MYH13: variants seen among roughly 807,000 people sequenced by gnomAD.
MYH13 encodes myosin heavy chain 13.
In MYH13, 177 loss-of-function variants were observed where a neutral mutation model predicts 232.1. That is an observed-to-expected ratio of 0.76 (90% CI 0.67 to 0.86). MYH13 has a LOEUF of 0.86. Among genes scored for constraint, MYH13 ranks in the 40% least tolerant of loss-of-function variants. The probability of loss-of-function intolerance (pLI) is 0.00; values close to 1 mark genes in which losing one functional copy is unlikely to be tolerated. For missense variants in MYH13, 2,246 were observed against 2,405.9 expected, an observed-to-expected ratio of 0.93 and a Z score of 1.39; for synonymous variants, 884 against 923.5, an observed-to-expected ratio of 0.96 and a Z score of 0.78.
chr17:10,335,970 C>T (rs1397849958), intron 18 of MYH13, among the ~76,000 whole-genome samples: 2 of 152,172 alleles, frequency 1.3e-5, no homozygotes, highest in Admixed American at 1.3e-4. Flanking sequence ...CCAGAGATGC[C>T]ACCATGCTTG....
chr17:10,321,983 G>A (rs891909303), intron 23 of MYH13, among the ~76,000 whole-genome samples: 1 of 152,164 alleles, frequency 6.6e-6, no homozygotes, highest in Non-Finnish European at 1.5e-5. Context: ...TACCTCTGAA[G>A]GGTAAAACAT....
Position 10,347,862 on chromosome 17 carries a change from C to T in MYH13, c.1145-1064G>A, listed in dbSNP as rs192517031. The stretch of plus-strand genomic sequence containing the variant: ...CCTCCCGAGTAGCTGGGATTACAGG[C>T]ACCCACCACCAGGCCCGGCTAATTT... On this transcript the variant is annotated intron_variant, in intron 12 of 40. Coordinates refer to ENST00000252172, the MANE Select transcript of MYH13 (RefSeq NM_003802.3). 1.1e-3 allele frequency among the ~76,000 whole-genome samples: 166 copies of T among 151,970 alleles called. 1 individual carries two copies. The highest frequency in any genetic ancestry group is 1.0e-2 in the Admixed American group (152 of 15,252).
intron 12 of MYH13, among the ~76,000 whole-genome samples, chr17:10,347,560 C>G (rs2071675243): frequency 6.6e-6 from 1 of 152,022 alleles, no homozygotes; most frequent in African/African-American, 2.4e-5. Context: ...TGGAGATGGT[C>G]AAAAGCACTT....
Position 10,318,969 on chromosome 17 carries a change from G to A in MYH13, c.3559C>T (p.Leu1187=). ...GTGGCTGCTGTGGCTTCGTGCTGCA[G>A]GGTGGCCTCCTCCAGGTCCCTGCGC... is the stretch of plus-strand genomic sequence containing the variant. ...KMRRDLEEAT[L]QHEATAATLR... Residue 1187 remains leucine, a synonymous_variant, in exon 27 of 41, where the codon CTG becomes TTG. Transcript: ENST00000252172. The A allele has an allele frequency of 6.2e-7, 1 of 1,614,126 alleles. No homozygotes were observed. The highest frequency in any genetic ancestry group is 8.5e-7 in the Non-Finnish European group (1 of 1,180,034).
intron 1 of MYH13, among the ~76,000 whole-genome samples, chr17:10,372,345 G>A (rs1201381080): frequency 1.3e-5 from 2 of 152,118 alleles, no homozygotes; most frequent in African/African-American, 2.4e-5. Flanking sequence ...TCAGCCCTAT[G>A]AGTCTATAAC....
rs186262302 is a variant in MYH13 at position 10,322,167 on chromosome 17, C to T, written c.2935-459G>A. ...CAGCACTTTGGGAGGCCGAGGCGGA[C>T]GGATCATGAGGTCAGGAGATCGAGA... On this transcript the variant is annotated intron_variant, in intron 23 of 40. Transcript: ENST00000252172. Among the ~76,000 whole-genome samples, 193 of 151,914 alleles carry T rather than the reference C, an allele frequency of 1.3e-3. 1 individual carries two copies. In the Middle Eastern group the frequency reaches 0.014, roughly 11 times the overall value.
intron 32 of MYH13, among the ~76,000 whole-genome samples, chr17:10,311,457 A>G (rs1332931261): frequency 6.6e-6 from 1 of 152,256 alleles, no homozygotes; most frequent in Non-Finnish European, 1.5e-5. Flanking sequence ...CAAAAGTACC[A>G]TATACAAAAC....
chr17:10,342,724 C>T (rs567145558), intron 16 of MYH13, among the ~76,000 whole-genome samples: 1 of 152,262 alleles, frequency 6.6e-6, no homozygotes, highest in Non-Finnish European at 1.5e-5. Flanking sequence ...ATTCCATTCA[C>T]ATGAAATGCC....
intron 24 of MYH13, 86 bp downstream of exon 24, chr17:10,321,446 T>A: frequency 7.4e-7 from 1 of 1,352,170 alleles, no homozygotes; most frequent in Non-Finnish European, 1.0e-6. Flanking sequence ...GTCTGACCTC[T>A]CAAGCCCTGT....
chr17:10,302,468 A>G (rs1413333202), intron 39 of MYH13, among the ~76,000 whole-genome samples: 2 of 152,154 alleles, frequency 1.3e-5, no homozygotes, highest in Non-Finnish European at 2.9e-5. Flanking sequence ...TGACATATCA[A>G]ACTCTACAAC....
chr17:10,319,508 C>CAAAA (rs757587723), intron 26 of MYH13, among the ~76,000 whole-genome samples: 80 of 61,544 alleles, frequency 1.3e-3, no homozygotes, highest in South Asian at 3.9e-3. Flanking sequence ...GACTCGGTCT[C>CAAAA]AAAAAAAAAA....
intron 18 of MYH13, among the ~76,000 whole-genome samples, chr17:10,333,536 G>A (rs774540903): frequency 6.6e-6 from 1 of 152,210 alleles, no homozygotes; most frequent in Non-Finnish European, 1.5e-5. Context: ...GATAACCCGA[G>A]ATGTCTTCTT....
Position 10,309,797 on chromosome 17 carries a change from G to A in MYH13, c.4690C>T (p.Arg1564Cys), listed in dbSNP as rs146716231. ...ACCTGGCTCAGCTCTAGCTGCACGC[G>A]CAAGATCTTGCTCTCCTCGTGTTCC... Reference protein sequence around the residue: ...SLEHEESKILRVQLELSQVKS... With the variant: ...SLEHEESKILCVQLELSQVKS... The change falls in exon 34 of 41, where the codon CGC becomes TGC. Residue 1564 changes from arginine (R) to cysteine (C), a missense_variant. Arg to Cys is a radical substitution (Grantham distance 180). Transcript: ENST00000252172. The A allele has an allele frequency of 3.1e-6, 5 of 1,592,966 alleles. No individual in the cohort carries two copies. The highest frequency in any genetic ancestry group is 3.5e-5 in the Admixed American group (2 of 57,086).
At chr17:10,355,033 G>T in intron 9 of MYH13, 40 bp from the exon 10 acceptor site, 1 of 1,610,522 alleles carries the variant, frequency 6.2e-7, no homozygotes, top group Non-Finnish European at 8.5e-7. Context: ...GCTCCCAAGA[G>T]ATGCTTTTGT....
intron 26 of MYH13, among the ~76,000 whole-genome samples, chr17:10,319,647 C>T (rs1038286603): frequency 1.3e-5 from 2 of 152,152 alleles, no homozygotes; most frequent in African/African-American, 4.8e-5. Context: ...CAGGTAGACA[C>T]AAATCCACGT....
chr17:10,331,036 AAAC>A (rs1179425101), intron 20 of MYH13, among the ~76,000 whole-genome samples: 5 of 151,810 alleles, frequency 3.3e-5, no homozygotes, highest in African/African-American at 4.8e-5. Context: ...CAAACAAACA[AAAC>A]AACAACAACA....
At position 10,318,167 on chromosome 17, in the gene MYH13, G is replaced by A. The variant is rs796316089; in HGVS notation, c.3738+623C>T. Among the ~76,000 whole-genome samples the A allele has an allele frequency of 4.6e-5, 7 of 152,298 alleles. 1 individual carries two copies. Among genetic ancestry groups the A allele is most frequent in the African/African-American group, 1.7e-4 (7 of 41,554 alleles). On this transcript the variant is annotated intron_variant, in intron 27 of 40. Transcript: ENST00000252172. The stretch of plus-strand genomic sequence containing the variant: ...TGAGGCAGGAGAATTGCTTGAACCT[G>A]GGAGGTAGAGGTTGCAGTGAGCTGA...
chr17:10,343,766 G>A (rs12938209), intron 16 of MYH13, 34 bp downstream of exon 16: 315,934 of 1,544,668 alleles, frequency 0.2, 36,049 homozygotes, highest in Non-Finnish European at 0.24. Flanking sequence ...TACATAGAAC[G>A]TCCCACAGAG....
intron 6 of MYH13, 37 bp from the exon 7 acceptor site, chr17:10,360,108 G>A (rs2071780483): frequency 1.2e-6 from 2 of 1,614,028 alleles, no homozygotes; most frequent in Non-Finnish European, 1.7e-6. Context: ...AAGGAGAGTG[G>A]AAGGGAGGGC....
Sources: gnomAD v4.1 joint callset for allele counts (sites outside exome capture counted in the v4.1 genomes callset) on GRCh38, gnomAD v4.1.1 for gene constraint, MANE v1.5 for transcripts, NCBI Gene and HGNC (gene_info 2026-07-23, HGNC 2026-07-21) for gene names.